Variants in MARK1 observed in about 807,000 individuals in gnomAD.
MARK1 encodes serine/threonine-protein kinase MARK1.
MARK1 carries 40 observed loss-of-function variants against 96.3 expected under a neutral mutation model. That is an observed-to-expected ratio of 0.42 (90% CI 0.32 to 0.54). The LOEUF is 0.54. MARK1 is among the 20% of genes least tolerant of loss of function. The pLI is 0.16. For synonymous variants in MARK1, 317 were observed against 341.2 expected (o/e 0.93, Z 0.78); for missense variants, 719 against 984.6 (o/e 0.73, Z 3.61).
chr1:220,573,821 TGTA>T lies in MARK1; in HGVS notation c.52-5529_52-5527del, dbSNP rs928772298. On this transcript the variant is annotated intron_variant, in intron 1 of 17. Coordinates refer to ENST00000366917, the MANE Select transcript of MARK1 (RefSeq NM_018650.5). ...TATGTAGTATATATGTAGTATATATTGTAGTATATATGTAGTATATATTGTAGT... is the reference window on the plus strand; with the variant it reads ...TATGTAGTATATATGTAGTATATATTGTATATATGTAGTATATATTGTAGT... 6.1e-3 allele frequency among the ~76,000 whole-genome samples: 672 copies of T among 110,740 alleles called. 7 individuals are homozygous for T. Among genetic ancestry groups the T allele is most frequent in the African/African-American group, 0.018 (622 of 33,696 alleles). The allele number at this position is 110,740 out of a possible 152,430, so 72.6% of individuals were successfully genotyped here.
intron 9 of MARK1, chr1:220,626,397 T>C: frequency 1.8e-6 from 1 of 548,622 alleles, no homozygotes; most frequent in East Asian, 4.9e-5. Context: ...AAGGCAAGTA[T>C]TATGCTGTTA....
intron 6 of MARK1, among the ~76,000 whole-genome samples, chr1:220,607,886 G>A (rs1290803446): frequency 6.6e-6 from 1 of 152,174 alleles, no homozygotes; most frequent in African/African-American, 2.4e-5. Context: ...AACTGGCCTT[G>A]CATCCCAGGG....
intron 16 of MARK1, 89 bp downstream of exon 16, chr1:220,653,441 T>C (rs1668998151): frequency 7.3e-7 from 1 of 1,366,344 alleles, no homozygotes; most frequent in African/African-American, 1.5e-5. Context: ...AATAATTTTC[T>C]AAAATGGTTT....
intron 9 of MARK1, chr1:220,626,486 A>G: frequency 5.6e-6 from 3 of 534,074 alleles, no homozygotes; most frequent in Non-Finnish European, 7.6e-6. Flanking sequence ...TGTGGCTCAG[A>G]CTCCTTATCT....
chr1:220,578,290 C>G (rs1206889870), intron 1 of MARK1, among the ~76,000 whole-genome samples: 1 of 152,196 alleles, frequency 6.6e-6, no homozygotes, highest in African/African-American at 2.4e-5. Flanking sequence ...CAAAGCTAGA[C>G]AAGAGCAGGA....
At chr1:220,637,479 AGACCAGCCTGGCTAACATGATAAAACCCT>A (rs1668029258) in intron 13 of MARK1, among the ~76,000 whole-genome samples, 1 of 152,170 alleles carries the variant, frequency 6.6e-6, no homozygotes, top group Non-Finnish European at 1.5e-5. Context: ...CAGGGGTTTG[AGACCAGCCTGGCTAACATGATAAAACCCT>A]GTCTCTACTA....
chr1:220,581,670 C>G (rs567600204), intron 3 of MARK1, among the ~76,000 whole-genome samples: 26 of 152,210 alleles, frequency 1.7e-4, no homozygotes, highest in Admixed American at 1.5e-3. Context: ...TGCTCTTCTT[C>G]CTTCTTCCAC....
Position 220,546,252 on chromosome 1 carries a change from C to T in MARK1, c.51+17379C>T, listed in dbSNP as rs117963791. Among the ~76,000 whole-genome samples the T allele has an allele frequency of 3.9e-3, 595 of 152,208 alleles. 22 individuals carry two copies. The East Asian group carries it at 0.088, about 22-fold the overall frequency. On this transcript the variant is annotated intron_variant, in intron 1 of 17. Coordinates refer to ENST00000366917, the MANE Select transcript of MARK1 (RefSeq NM_018650.5). ...TTTTCCTTATAGTTTTAACAAACAT[C>T]AGAATAATTTTTTATTTAACACCAG...
At position 220,581,078 on chromosome 1, in the gene MARK1, T is replaced by C; in HGVS notation, c.269T>C (p.Ile90Thr). The change falls in exon 3 of 18, where the codon ATA (isoleucine) becomes ACA (threonine). Residue 90 changes from isoleucine (I) to threonine (T), a missense_variant. Transcript: ENST00000366917. ...VLTGREVAVK[I>T]IDKTQLNPTS... is the part of the protein sequence containing the mutation. ...CTTCTTTTTTAGGTTGCTGTGAAAA[T>C]AATAGACAAAACTCAGCTAAATCCT... 1.5e-6 allele frequency: 2 copies of C among 1,290,596 alleles called. No homozygotes were observed. Among genetic ancestry groups the C allele is most frequent in the Non-Finnish European group, 2.1e-6 (2 of 969,170 alleles). 79.9% of individuals were successfully genotyped at this position (1,290,596 alleles called of 1,614,324 possible). A position where few individuals can be genotyped will look rare whatever the true frequency, so the allele number is the denominator to read the frequency against.
chr1:220,571,528 C>G (rs1335720019), intron 1 of MARK1, among the ~76,000 whole-genome samples: 1 of 151,958 alleles, frequency 6.6e-6, no homozygotes, highest in African/African-American at 2.4e-5. Flanking sequence ...CTTCAAATGC[C>G]AAAACAGGGG....
intron 13 of MARK1, among the ~76,000 whole-genome samples, chr1:220,648,909 G>A (rs1668720147): frequency 6.6e-6 from 1 of 152,014 alleles, no homozygotes; most frequent in Non-Finnish European, 1.5e-5. Context: ...TTAATTTCTA[G>A]GGAATTAAAT....
chr1:220,577,367 G>T (rs1163845117), intron 1 of MARK1, among the ~76,000 whole-genome samples: 1 of 152,216 alleles, frequency 6.6e-6, no homozygotes, highest in African/African-American at 2.4e-5. Flanking sequence ...AAATATCATG[G>T]CAGTCTGTTA....
intron 5 of MARK1, among the ~76,000 whole-genome samples, chr1:220,602,596 G>T (rs755818520): frequency 1.4e-4 from 21 of 151,966 alleles, no homozygotes; most frequent in Non-Finnish European, 2.6e-4. Context: ...CAGATATCTA[G>T]AATTAACTGC....
At chr1:220,573,809 TGTAGTATATATTGTAGTATATA>T (rs1238648795) in intron 1 of MARK1, among the ~76,000 whole-genome samples, 2 of 71,790 alleles carry the variant, frequency 2.8e-5, no homozygotes, top group Admixed American at 3.1e-4. Context: ...GTAGTATATA[TGTAGTATATATTGTAGTATATA>T]TGTAGTATAT....
intron 17 of MARK1, 150 bp from the exon 18 acceptor site, chr1:220,661,662 A>T: frequency 1.7e-6 from 1 of 592,668 alleles, no homozygotes; most frequent in Non-Finnish European, 3.0e-6. Context: ...GCAAGATAAC[A>T]TAAATCTTTG....
chr1:220,544,519 G>C (rs1028163247), intron 1 of MARK1, among the ~76,000 whole-genome samples: 4 of 152,184 alleles, frequency 2.6e-5, no homozygotes, highest in African/African-American at 9.7e-5. Context: ...GCCGTCACGA[G>C]ATGCCAGCCC....
At chr1:220,649,072 A>G (rs569917209) in intron 13 of MARK1, among the ~76,000 whole-genome samples, 57 of 152,350 alleles carry the variant, frequency 3.7e-4, no homozygotes, top group Admixed American at 1.1e-3. Flanking sequence ...TGTTAATGAC[A>G]TGTTAAATGG....
intron 6 of MARK1, among the ~76,000 whole-genome samples, chr1:220,612,097 C>A (rs1666480483): frequency 6.6e-6 from 1 of 152,196 alleles, no homozygotes; most frequent in African/African-American, 2.4e-5. Context: ...AGTAGCAGAC[C>A]AGCAAGAAAG....
chr1:220,661,715 G>T, intron 17 of MARK1, 97 bp from the exon 18 acceptor site: 2 of 844,466 alleles, frequency 2.4e-6, no homozygotes, highest in Middle Eastern at 4.6e-4. Context: ...GTGTTATTAG[G>T]CACTGAACTA....
Sources: gnomAD v4.1 joint callset for allele counts (sites outside exome capture counted in the v4.1 genomes callset) on GRCh38, gnomAD v4.1.1 for gene constraint, MANE v1.5 for transcripts, NCBI Gene and HGNC (gene_info 2026-07-23, HGNC 2026-07-21) for gene names.